MNS1: variants seen among roughly 807,000 people sequenced by gnomAD.
The protein encoded by MNS1 is meiosis specific nuclear structural 1, also known as meiosis-specific nuclear structural protein 1.
MNS1 carries 63 observed loss-of-function variants against 72.0 expected under a neutral mutation model. The ratio of observed to expected loss-of-function variants is 0.87; its 90% CI spans 0.71 to 1.08. MNS1 has a LOEUF of 1.08. Ranked by LOEUF, MNS1 falls within the 50% of genes least tolerant of loss-of-function variation. MNS1 has a pLI of 0.00. For missense variants in MNS1, 604 were observed against 562.4 expected, an observed-to-expected ratio of 1.07 and a Z score of -0.75; for synonymous variants, 188 against 172.1, an observed-to-expected ratio of 1.09 and a Z score of -0.72.
Position 56,436,938 on chromosome 15 carries a change from C to T in MNS1, c.1012-2543G>A, listed in dbSNP as rs186277961. Among the ~76,000 whole-genome samples the T allele has an allele frequency of 5.7e-3, 870 of 152,156 alleles. 30 individuals are homozygous for T. The highest frequency in any genetic ancestry group is 0.046 in the Admixed American group (705 of 15,264). Reference sequence around the variant, plus strand: ...AATCCCTGAATAGACCAATAACAGGCTCTGAAATTGAGGCAATAATTAATA... The same window carrying T: ...AATCCCTGAATAGACCAATAACAGGTTCTGAAATTGAGGCAATAATTAATA... On this transcript the variant is annotated intron_variant, in intron 7 of 9. Coordinates refer to ENST00000260453, the MANE Select transcript of MNS1 (RefSeq NM_018365.4).
chr15:56,431,314 C>T, intron 9 of MNS1, 59 bp downstream of exon 9: 1 of 1,573,014 alleles, frequency 6.4e-7, no homozygotes, highest in Non-Finnish European at 8.6e-7. Context: ...ATCCAAATAC[C>T]ATGTTTTTTT....
intron 9 of MNS1, among the ~76,000 whole-genome samples, chr15:56,430,301 G>A (rs1193926275): frequency 3.3e-5 from 5 of 152,168 alleles, no homozygotes; most frequent in African/African-American, 7.2e-5. Context: ...CAACTTTCCA[G>A]GCTCAAGCAA....
chr15:56,434,368 G>C lies in MNS1; in HGVS notation c.1039C>G (p.Gln347Glu). 1 of 1,612,106 alleles carries C rather than the reference G, an allele frequency of 6.2e-7. No individual in the cohort carries two copies. The highest frequency in any genetic ancestry group is 8.5e-7 in the Non-Finnish European group (1 of 1,179,370). The change falls in exon 8 of 10, where the codon CAA (glutamine) becomes GAA (glutamate). Residue 347 changes from glutamine (Q) to glutamate (E), a missense_variant. Transcript: ENST00000260453. Reference protein sequence around the residue: ...KEEAEKKLRKQKEMKQDFEEQ... With the variant: ...KEEAEKKLRKEKEMKQDFEEQ... The stretch of plus-strand genomic sequence containing the variant: ...TCAAAATCTTGCTTCATCTCTTTTT[G>C]CTTTCTCAATTTCTTTTCTGCTTCT...
intron 7 of MNS1, among the ~76,000 whole-genome samples, chr15:56,437,657 G>T (rs1410932686): frequency 2.0e-5 from 3 of 152,148 alleles, no homozygotes; most frequent in Non-Finnish European, 2.9e-5. Context: ...ATTCAATTAG[G>T]AAAAGAGGAA....
intron 7 of MNS1, 41 bp from the exon 8 acceptor site, chr15:56,434,436 T>A: frequency 6.5e-7 from 1 of 1,549,242 alleles, no homozygotes; most frequent in Non-Finnish European, 8.8e-7. Context: ...AACTATTTCC[T>A]TACACCAGAT....
At chr15:56,456,579 G>C (rs557606121) in intron 2 of MNS1, 58 bp from the exon 3 acceptor site, 1 of 1,565,492 alleles carries the variant, frequency 6.4e-7, no homozygotes, top group South Asian at 1.2e-5. Flanking sequence ...TTTTCATCAA[G>C]GTTGAATTTG....
Position 56,443,828 on chromosome 15 carries a change from A to AT in MNS1, c.712dup (p.Met238AsnfsTer24), listed in dbSNP as rs1195613448. On this transcript the variant is annotated frameshift_variant, in exon 6 of 10. Transcript: ENST00000260453. LOFTEE classifies it high-confidence loss of function. The stretch of plus-strand genomic sequence containing the variant: ...TTCTATATACCTTCGCATTGCATTC[A>AT]TTTTTTCTAACTTTTGTTGTTTTTC... The AT allele has an allele frequency of 6.2e-7, 1 of 1,602,636 alleles. No homozygotes were observed. The highest frequency in any genetic ancestry group is 1.1e-5 in the South Asian group (1 of 87,530).
At chr15:56,456,113 T>C (rs111468740) in intron 3 of MNS1, among the ~76,000 whole-genome samples, 5 of 152,116 alleles carry the variant, frequency 3.3e-5, no homozygotes, top group Admixed American at 1.3e-4. Flanking sequence ...CTCTTAAGAT[T>C]AGGAATTCAT....
intron 2 of MNS1, 135 bp downstream of exon 2, chr15:56,463,891 C>T: frequency 1.4e-6 from 1 of 701,022 alleles, no homozygotes; most frequent in Non-Finnish European, 2.3e-6. Context: ...TACGATTACA[C>T]CGAGCTGAGG....
chr15:56,458,582 C>G (rs1329548689), intron 2 of MNS1, among the ~76,000 whole-genome samples: 4 of 146,866 alleles, frequency 2.7e-5, no homozygotes, highest in Non-Finnish European at 4.5e-5. Flanking sequence ...TTTCACTACC[C>G]TAAAAATCCT....
chr15:56,442,271 C>T (rs2050828558), intron 7 of MNS1, among the ~76,000 whole-genome samples: 1 of 152,122 alleles, frequency 6.6e-6, no homozygotes, highest in South Asian at 2.1e-4. Context: ...TGCTTATACA[C>T]TGTTGGTGGG....
At chr15:56,461,947 G>C (rs2051024145) in intron 2 of MNS1, among the ~76,000 whole-genome samples, 1 of 138,708 alleles carries the variant, frequency 7.2e-6, no homozygotes, top group South Asian at 2.3e-4. Context: ...AATAACCCTA[G>C]TCAATAACAA....
intron 2 of MNS1, among the ~76,000 whole-genome samples, chr15:56,457,060 A>C (rs1297042608): frequency 6.6e-6 from 1 of 152,208 alleles, no homozygotes; most frequent in Non-Finnish European, 1.5e-5. Flanking sequence ...ATCAAAATCC[A>C]AACAAGATCC....
chr15:56,443,125 T>A (rs1390299564), intron 7 of MNS1, among the ~76,000 whole-genome samples: 3 of 152,180 alleles, frequency 2.0e-5, no homozygotes, highest in Admixed American at 6.5e-5. Context: ...AACCTACTTT[T>A]GACTAGTGTC....
Position 56,464,146 on chromosome 15 carries a change from G to A in MNS1, c.105C>T (p.Asn35=), listed in dbSNP as rs367629295. 2.5e-6 allele frequency: 4 copies of A among 1,613,940 alleles called. No individual in the cohort carries two copies. Among genetic ancestry groups the A allele is most frequent in the Non-Finnish European group, 3.4e-6 (4 of 1,179,942 alleles). The part of the protein sequence containing the change: ...KLHVQALKNV[N]SQIRNQMVQN... ...GCACCATTTGATTCCTGATTTGACT[G>A]TTGACGTTTTTTAGAGCTTGGACAT... Residue 35 remains asparagine, a synonymous_variant, in exon 2 of 10, where the codon AAC becomes AAT. Coordinates refer to ENST00000260453, the MANE Select transcript of MNS1 (RefSeq NM_018365.4).
chr15:56,463,876 G>A (rs2140386264), intron 2 of MNS1, 150 bp downstream of exon 2: 1 of 638,852 alleles, frequency 1.6e-6, no homozygotes, highest in Non-Finnish European at 2.7e-6. Context: ...AGAAACCCAG[G>A]TCTTTACGAT....
Position 56,460,009 on chromosome 15 carries a change from A to AAAAAAAAAATATAT in MNS1, c.226-3489_226-3488insATATATTTTTTTTT. ...CTGTCTCAAAAAAAAAAAAAAAAAA[A>AAAAAAAAAATATAT]ATACATATATATATATATATATATA... On this transcript the variant is annotated intron_variant, in intron 2 of 9. Transcript: ENST00000260453. 1.7e-3 allele frequency among the ~76,000 whole-genome samples: 46 copies of AAAAAAAAAATATAT among 26,358 alleles called. 5 individuals carry two copies. The highest frequency in any genetic ancestry group is 0.012 in the South Asian group (8 of 672). The allele number at this position is 26,358 out of a possible 152,430, so 17.3% of individuals were successfully genotyped here.
intron 9 of MNS1, chr15:56,429,636 ATC>A (rs1165252749): frequency 1.3e-5 from 2 of 152,844 alleles, no homozygotes; most frequent in African/African-American, 4.8e-5. Context: ...GCAGAAAAGA[ATC>A]CAGGTTTGGA....
At position 56,431,390 on chromosome 15, in the gene MNS1, G is replaced by A; in HGVS notation, c.1378C>T (p.Leu460=). The A allele has an allele frequency of 1.2e-6, 2 of 1,612,208 alleles. No homozygotes were observed. Among genetic ancestry groups the A allele is most frequent in the Non-Finnish European group, 1.7e-6 (2 of 1,179,382 alleles). The part of the protein sequence containing the change: ...KLLKEHATNL[L]GYLPKGVFKK... ...TCACTTACTTTAGGGAGATAGCCTA[G>A]TAAGTTTGTAGCATGCTCTTTAAGA... is the stretch of plus-strand genomic sequence containing the variant. The change falls in exon 9 of 10, where the codon CTA becomes TTA. Residue 460 remains leucine, a synonymous_variant. Transcript: ENST00000260453.
Sources: gnomAD v4.1 joint callset for allele counts (sites outside exome capture counted in the v4.1 genomes callset) on GRCh38, gnomAD v4.1.1 for gene constraint, MANE v1.5 for transcripts, NCBI Gene and HGNC (gene_info 2026-07-23, HGNC 2026-07-21) for gene names.